Variants in UVSSA observed in about 807,000 individuals in gnomAD.
UVSSA encodes the protein UV-stimulated scaffold protein A.
Under a neutral mutation model 73.9 loss-of-function variants are expected in UVSSA, and 72 were observed. That is an observed-to-expected ratio of 0.97 (90% CI 0.81 to 1.19). The LOEUF (loss-of-function observed/expected upper bound fraction) is 1.19, where lower values mean the gene tolerates loss of function less well. Ranked by LOEUF, UVSSA falls within the 50% of genes most tolerant of loss-of-function variation. UVSSA has a pLI of 0.00. For missense variants in UVSSA, 1,150 were observed against 965.0 expected (o/e 1.19, Z -2.54); for synonymous variants, 454 against 391.3 (o/e 1.16, Z -1.89).
intron 11 of UVSSA, among the ~76,000 whole-genome samples, chr4:1,380,447 C>T (rs1719341891): frequency 2.6e-5 from 4 of 152,200 alleles, no homozygotes; most frequent in Admixed American, 2.6e-4. Context: ...TGAAGCCTGA[C>T]ACCTGGGTAC....
intron 3 of UVSSA, among the ~76,000 whole-genome samples, chr4:1,350,556 G>T (rs971132561): frequency 6.6e-6 from 1 of 152,180 alleles, no homozygotes; most frequent in African/African-American, 2.4e-5. Context: ...GAGAAGTCTC[G>T]TCACCTCTTT....
chr4:1,375,307 G>GGC, intron 8 of UVSSA, 57 bp from the exon 9 acceptor site: 6 of 1,603,600 alleles, frequency 3.7e-6, no homozygotes, highest in Non-Finnish European at 5.1e-6. Flanking sequence ...GGTCTTGCCT[G>GGC]ATGTGCCTGG....
chr4:1,380,051 G>GA lies in UVSSA; in HGVS notation c.1574dup (p.Asp525GlufsTer37), dbSNP rs1228824720. On this transcript the variant is annotated frameshift_variant, in exon 11 of 14. Transcript: ENST00000389851. LOFTEE classifies it high-confidence loss of function. The stretch of plus-strand genomic sequence containing the variant: ...GGCCTCTGGCTGTGTCTGCAGGTCT[G>GA]ACTCCCAGCACCGCTTCTGGAAGCC... 6.2e-7 allele frequency: 1 copy of GA among 1,604,474 alleles called. No homozygotes were observed. Among genetic ancestry groups the GA allele is most frequent in the African/African-American group, 1.3e-5 (1 of 74,938 alleles).
Position 1,395,204 on chromosome 4 carries a change from TCA to T in UVSSA, c.*9247_*9248del, listed in dbSNP as rs1577397149. On this transcript the variant is annotated 3_prime_UTR_variant, in exon 14 of 14. Coordinates refer to the UVSSA transcript ENST00000511216. Reference sequence around the variant, plus strand: ...GTGCCGATGCGGAGTGCCCGCCTGCTCACACGTGCCGATGCGGAGTGCCCGCC... The same window carrying T: ...GTGCCGATGCGGAGTGCCCGCCTGCTCACGTGCCGATGCGGAGTGCCCGCC... 1.2e-5 allele frequency: 18 copies of T among 1,444,736 alleles called. 1 individual carries two copies. Among genetic ancestry groups the T allele is most frequent in the Admixed American group, 1.9e-5 (1 of 51,746 alleles). 89.5% of individuals were successfully genotyped at this position (1,444,736 alleles called of 1,614,324 possible).
At chr4:1,352,133 G>A (rs1216918965) in intron 4 of UVSSA, among the ~76,000 whole-genome samples, 4 of 152,244 alleles carry the variant, frequency 2.6e-5, no homozygotes, top group Admixed American at 2.6e-4. Context: ...CCCCAGCCTG[G>A]CTGAAGGCCC....
At chr4:1,359,894 G>C (rs1716373344) in intron 7 of UVSSA, among the ~76,000 whole-genome samples, 1 of 152,192 alleles carries the variant, frequency 6.6e-6, no homozygotes, top group African/African-American at 2.4e-5. Context: ...TGGGATCGAG[G>C]CCCCACCTCC....
In UVSSA at chr4:1,386,232, G is replaced by A. The variant is rs534088861; in HGVS notation, c.*271G>A. 189 of 438,676 alleles carry A rather than the reference G, an allele frequency of 4.3e-4. No homozygotes were observed. Among genetic ancestry groups the A allele is most frequent in the East Asian group, 9.2e-4 (21 of 22,910 alleles). The allele number at this position is 438,676 out of a possible 1,614,324, so 27.2% of individuals were successfully genotyped here. A position where few individuals can be genotyped will look rare whatever the true frequency, so the allele number is the denominator to read the frequency against. Reference sequence around the variant, plus strand: ...CGACCCTGTTCCAGAGGGCTTCTGCGAGTCCTCGTGAGACCAGTGCTTGTC... The same window carrying A: ...CGACCCTGTTCCAGAGGGCTTCTGCAAGTCCTCGTGAGACCAGTGCTTGTC... On this transcript the variant is annotated 3_prime_UTR_variant, in exon 14 of 14. Transcript: ENST00000389851.
Position 1,353,318 on chromosome 4 carries a change from C to T in UVSSA, c.839C>T (p.Pro280Leu). 10 of 1,611,792 alleles carry T rather than the reference C, an allele frequency of 6.2e-6. No individual in the cohort carries two copies. Among genetic ancestry groups the T allele is most frequent in the Non-Finnish European group, 8.5e-6 (10 of 1,179,828 alleles). ...CCATCCCAGACAGCCACAGGTGACCCCTCAGATGAGGACGAGGACAGCGAC... is the reference window on the plus strand; with the variant it reads ...CCATCCCAGACAGCCACAGGTGACCTCTCAGATGAGGACGAGGACAGCGAC... ...AQPSQTATGD[P>L]SDEDEDSDLE... Residue 280 changes from proline (P) to leucine (L), a missense_variant, in exon 5 of 14, where the codon CCC becomes CTC. Physicochemically the swap from Pro to Leu is moderately conservative, Grantham distance 98. Coordinates refer to ENST00000389851, the MANE Select transcript of UVSSA (RefSeq NM_020894.4).
chr4:1,394,967 C>G (rs373946226), exon 14 of UVSSA: 43,227 of 645,194 alleles, frequency 0.067, 4,776 homozygotes, highest in Admixed American at 0.19. Flanking sequence ...CACACGTGCC[C>G]ATGCGGAGTG....
chr4:1,380,256 G>A (rs1719319451), intron 11 of UVSSA, 26 bp downstream of exon 11: 1 of 1,599,744 alleles, frequency 6.3e-7, no homozygotes, highest in Non-Finnish European at 8.5e-7. Context: ...GAGGGCGGGG[G>A]TGGGTGTGGG....
chr4:1,395,140 GC>G (rs1193372510), exon 14 of UVSSA: 2 of 1,292,022 alleles, frequency 1.5e-6, no homozygotes, highest in South Asian at 2.5e-5. Flanking sequence ...GTGCCTGCCT[GC>G]TCACACGTGC....
intron 4 of UVSSA, 107 bp from the exon 5 acceptor site, chr4:1,352,923 C>T: frequency 2.8e-6 from 4 of 1,431,272 alleles, no homozygotes; most frequent in Non-Finnish European, 3.7e-6. Context: ...CCACCTGGTG[C>T]TGAAAAGTGA....
At chr4:1,359,354 T>G (rs1437721605) in intron 7 of UVSSA, 1 of 152,236 alleles carries the variant, frequency 6.6e-6, no homozygotes, top group African/African-American at 2.4e-5. Flanking sequence ...CTTGCCGCGC[T>G]GTAGGGTGGG....
chr4:1,385,821 C>G (rs73077587), intron 13 of UVSSA, 47 bp from the exon 14 acceptor site: 10 of 1,603,834 alleles, frequency 6.2e-6, no homozygotes, highest in African/African-American at 1.3e-5. Flanking sequence ...GAGCCCAGGC[C>G]CCTGGCGGAA....
intron 9 of UVSSA, among the ~76,000 whole-genome samples, chr4:1,375,709 G>A (rs964176493): frequency 6.6e-6 from 1 of 152,246 alleles, no homozygotes; most frequent in African/African-American, 2.4e-5. Context: ...TGGAGCCCGG[G>A]TGGGACTGGG....
chr4:1,381,938 C>T (rs1719553805), intron 12 of UVSSA, among the ~76,000 whole-genome samples: 1 of 152,228 alleles, frequency 6.6e-6, no homozygotes, highest in South Asian at 2.1e-4. Context: ...GCTGGGATTA[C>T]AGATGTGAGT....
chr4:1,376,137 C>T lies in UVSSA; in HGVS notation c.1537C>T (p.Gln513Ter), dbSNP rs781080196. 1 of 1,610,382 alleles carries T rather than the reference C, an allele frequency of 6.2e-7. No homozygotes were observed. The highest frequency in any genetic ancestry group is 1.1e-5 in the South Asian group (1 of 90,594). ...PYGVDLHYWGQELPTAGKIVK... is the reference protein window; with the variant it reads ...PYGVDLHYWG ...CGGCGTGGACCTGCACTACTGGGGC[C>T]AGGAGCTCCCCACAGCCGGGAAGAT... The change falls in exon 10 of 14, where the codon CAG (glutamine) becomes TAG (stop). Residue 513 changes from glutamine (Q) to a stop codon, truncating the protein, a stop_gained. Coordinates refer to ENST00000389851, the MANE Select transcript of UVSSA (RefSeq NM_020894.4). LOFTEE classifies it high-confidence loss of function.
At chr4:1,370,540 G>A (rs997530386) in intron 8 of UVSSA, among the ~76,000 whole-genome samples, 6 of 152,374 alleles carry the variant, frequency 3.9e-5, no homozygotes, top group South Asian at 4.1e-4. Flanking sequence ...AGCCGTGCAC[G>A]GCTTAGAGGA....
upstream of UVSSA, among the ~76,000 whole-genome samples, chr4:1,344,720 A>G (rs1366397883): frequency 6.6e-6 from 1 of 152,252 alleles, no homozygotes; most frequent in Non-Finnish European, 1.5e-5. Context: ...GAAAAAAGCG[A>G]ATCACCTAGT....
Sources: allele counts gnomAD v4.1 joint callset (sites outside exome capture counted in the v4.1 genomes callset), GRCh38; gene constraint gnomAD v4.1.1; transcripts MANE v1.5; gene names NCBI Gene and HGNC (gene_info 2026-07-23, HGNC 2026-07-21).